The following LINGO2 variants were observed in gnomAD, a reference collection of about 807,000 sequenced individuals.
LINGO2 encodes the protein leucine rich repeat and Ig domain containing 2, also known as leucine-rich repeat and immunoglobulin-like domain-containing nogo receptor-interacting protein 2.
In LINGO2, 14 loss-of-function variants were observed where a neutral mutation model predicts 30.6. The observed-to-expected ratio is 0.46, with a 90% CI of 0.30 to 0.72. LINGO2 has a LOEUF of 0.72. Ranked by LOEUF, LINGO2 falls within the 30% of genes least tolerant of loss-of-function variation. LINGO2 has a pLI of 0.07. For synonymous variants in LINGO2, 317 were observed against 288.5 expected, an observed-to-expected ratio of 1.10 and a Z score of -1.00; for missense variants, 729 against 751.7, an observed-to-expected ratio of 0.97 and a Z score of 0.35.
the LINGO2 span, among the ~76,000 whole-genome samples, chr9:28,923,036 G>T: frequency 6.6e-6 from 1 of 152,168 alleles, no homozygotes; most frequent in Admixed American, 6.5e-5. Context: ...AAAAGCGAGA[G>T]AGTCAGCAGC....
chr9:28,010,472 AT>A, intron 5 of LINGO2, among the ~76,000 whole-genome samples: 1 of 152,086 alleles, frequency 6.6e-6, no homozygotes, highest in South Asian at 2.1e-4. Flanking sequence ...TTTGCTCTGA[AT>A]AAAATCTTAC....
At chr9:28,023,268 G>A (rs1193013694) in intron 4 of LINGO2, among the ~76,000 whole-genome samples, 3 of 152,098 alleles carry the variant, frequency 2.0e-5, no homozygotes, top group Non-Finnish European at 4.4e-5. Context: ...TAGGAGCTGA[G>A]GTAAATGTAC....
chr9:28,425,228 T>G (rs1823355358), intron 2 of LINGO2, among the ~76,000 whole-genome samples: 1 of 148,278 alleles, frequency 6.7e-6, no homozygotes, highest in Non-Finnish European at 1.5e-5. Flanking sequence ...TAATTGCACA[T>G]AAGTATATAT....
the LINGO2 span, among the ~76,000 whole-genome samples, chr9:28,984,470 A>G: frequency 1.3e-5 from 2 of 152,050 alleles, no homozygotes; most frequent in South Asian, 4.1e-4. Flanking sequence ...AAACCTGTCA[A>G]TCAAAATACA....
chr9:28,583,280 T>C (rs1328186880), intron 1 of LINGO2, among the ~76,000 whole-genome samples: 2 of 152,014 alleles, frequency 1.3e-5, no homozygotes, highest in Non-Finnish European at 2.9e-5. Context: ...ATATTGCTGT[T>C]ATAAGCATTT....
the LINGO2 span, among the ~76,000 whole-genome samples, chr9:29,118,539 C>T: frequency 1.6e-4 from 25 of 152,272 alleles, no homozygotes; most frequent in Admixed American, 3.9e-4. Context: ...CCAGAGAGGA[C>T]ATTGTAGAAC....
chr9:28,462,140 AT>A (rs910523904), intron 2 of LINGO2, among the ~76,000 whole-genome samples: 30 of 152,222 alleles, frequency 2.0e-4, no homozygotes, highest in African/African-American at 7.0e-4. Flanking sequence ...ATCTCATAGA[AT>A]CAGAGTAACT....
At chr9:28,703,607 G>C in the LINGO2 span, among the ~76,000 whole-genome samples, 1 of 151,288 alleles carries the variant, frequency 6.6e-6, no homozygotes, top group South Asian at 2.1e-4. Flanking sequence ...TCAATTACAA[G>C]TGATTAATTA....
the LINGO2 span, among the ~76,000 whole-genome samples, chr9:29,040,428 C>A: frequency 6.6e-6 from 1 of 151,796 alleles, no homozygotes; most frequent in Admixed American, 6.6e-5. Context: ...AAACTGAGTA[C>A]AATCCAGAAA....
At chr9:29,174,904 T>A in the LINGO2 span, among the ~76,000 whole-genome samples, 4 of 152,208 alleles carry the variant, frequency 2.6e-5, no homozygotes, top group African/African-American at 9.6e-5. Flanking sequence ...AGTTATGGAA[T>A]GGGCCAGACC....
chr9:28,017,839 G>GA lies in LINGO2; in HGVS notation c.-86-5435dup, dbSNP rs1295934315. Among the ~76,000 whole-genome samples the GA allele has an allele frequency of 1.0e-3, 154 of 152,186 alleles. 1 individual carries two copies. The highest frequency in any genetic ancestry group is 3.7e-3 in the African/African-American group (152 of 41,538). ...CAAACTACCAATGACATTCTTCTCAGAATTGGAAAAAACTATTTTAAAATT... is the reference window on the plus strand; with the variant it reads ...CAAACTACCAATGACATTCTTCTCAGAAATTGGAAAAAACTATTTTAAAATT... On this transcript the variant is annotated intron_variant, in intron 4 of 5. Coordinates refer to ENST00000379992, the Ensembl canonical transcript of LINGO2.
At chr9:28,227,725 T>C (rs1310971471) in intron 4 of LINGO2, among the ~76,000 whole-genome samples, 1 of 152,106 alleles carries the variant, frequency 6.6e-6, no homozygotes, top group East Asian at 1.9e-4. Flanking sequence ...CAAACAGATT[T>C]TCCACCAGAG....
chr9:28,474,764 T>C (rs1226657604), intron 2 of LINGO2, among the ~76,000 whole-genome samples: 3 of 152,310 alleles, frequency 2.0e-5, no homozygotes, highest in African/African-American at 7.2e-5. Context: ...TTACCAGTGC[T>C]GTATGGTCAG....
chr9:28,263,007 C>G (rs999280355), intron 4 of LINGO2, among the ~76,000 whole-genome samples: 1 of 151,990 alleles, frequency 6.6e-6, no homozygotes, highest in African/African-American at 2.4e-5. Flanking sequence ...GGAGTCTAAG[C>G]ATATAGCCTA....
At chr9:28,739,263 A>G in the LINGO2 span, among the ~76,000 whole-genome samples, 8 of 151,966 alleles carry the variant, frequency 5.3e-5, no homozygotes, top group African/African-American at 1.9e-4. Context: ...ATTATTATTG[A>G]CATTTTCCTA....
chr9:28,759,797 A>G, the LINGO2 span, among the ~76,000 whole-genome samples: 1 of 152,076 alleles, frequency 6.6e-6, no homozygotes, highest in Non-Finnish European at 1.5e-5. Flanking sequence ...GTTCAGAGTC[A>G]TGGTTGTTCT....
intron 2 of LINGO2, among the ~76,000 whole-genome samples, chr9:28,414,175 A>C (rs1336541013): frequency 6.6e-6 from 1 of 152,002 alleles, no homozygotes; most frequent in East Asian, 1.9e-4. Context: ...AAAAATAATA[A>C]GACTTTCAGA....
the LINGO2 span, among the ~76,000 whole-genome samples, chr9:28,717,154 G>T: frequency 6.6e-6 from 1 of 151,898 alleles, no homozygotes; most frequent in Non-Finnish European, 1.5e-5. Context: ...TCTAGGCAGA[G>T]GCTCTCAGAA....
chr9:27,949,690 C>T (rs1478156380), exon 6 of LINGO2: 4 of 1,614,128 alleles, frequency 2.5e-6, no homozygotes, highest in African/African-American at 1.3e-5. Flanking sequence ...TTCTGAGACA[C>T]ATTGAGCACG....
Sources: allele counts gnomAD v4.1 joint callset (sites outside exome capture counted in the v4.1 genomes callset), GRCh38; gene constraint gnomAD v4.1.1; transcripts MANE v1.5; gene names NCBI Gene and HGNC (gene_info 2026-07-23, HGNC 2026-07-21).